DIP2C: variants seen among roughly 807,000 people sequenced by gnomAD.
The protein encoded by DIP2C is disco-interacting protein 2 homolog C.
In DIP2C, 33 loss-of-function variants were observed where a neutral mutation model predicts 192.4. That is an observed-to-expected ratio of 0.17 (90% CI 0.13 to 0.23). The LOEUF is 0.23. DIP2C is among the 10% of genes least tolerant of loss of function. DIP2C has a pLI of 1.00. For synonymous variants in DIP2C, 979 were observed against 864.1 expected (o/e 1.13, Z -2.33); for missense variants, 1,537 against 2,110.1 (o/e 0.73, Z 5.32).
At chr10:551,951 G>A (rs1418951923) in intron 1 of DIP2C, among the ~76,000 whole-genome samples, 2 of 152,206 alleles carry the variant, frequency 1.3e-5, no homozygotes, top group African/African-American at 2.4e-5. Flanking sequence ...CCTCTGAGAC[G>A]CTGCTATAGC....
chr10:352,089 G>A (rs1334293429), intron 24 of DIP2C, among the ~76,000 whole-genome samples: 2 of 152,246 alleles, frequency 1.3e-5, no homozygotes, highest in African/African-American at 4.8e-5. Flanking sequence ...CAGCAGCAGT[G>A]CCCAGTCTGG....
chr10:370,285 T>TGC (rs1478593600), intron 17 of DIP2C, among the ~76,000 whole-genome samples: 3 of 152,254 alleles, frequency 2.0e-5, no homozygotes, highest in Non-Finnish European at 2.9e-5. Flanking sequence ...AGAAGACCAC[T>TGC]GCGCACACGT....
intron 32 of DIP2C, among the ~76,000 whole-genome samples, chr10:295,267 G>C (rs1036677836): frequency 2.0e-5 from 3 of 152,088 alleles, no homozygotes; most frequent in African/African-American, 4.8e-5. Flanking sequence ...ATTCCAGTTA[G>C]ATGGCTATTA....
At chr10:440,706 T>TC (rs747231898) in intron 4 of DIP2C, among the ~76,000 whole-genome samples, 165 bp downstream of exon 4, 5 of 152,268 alleles carry the variant, frequency 3.3e-5, no homozygotes, top group Non-Finnish European at 5.9e-5. Context: ...ATGTTACTTT[T>TC]CCTTCCACGT....
chr10:292,663 T>A (rs1335421673), intron 32 of DIP2C, among the ~76,000 whole-genome samples: 1 of 152,210 alleles, frequency 6.6e-6, no homozygotes, highest in South Asian at 2.1e-4. Context: ...GAGGTCTTCA[T>A]TCTTCATTCG....
intron 1 of DIP2C, among the ~76,000 whole-genome samples, chr10:552,543 T>C (rs776972062): frequency 2.4e-4 from 37 of 152,368 alleles, no homozygotes; most frequent in Non-Finnish European, 2.9e-4. Context: ...TCCTCAAATG[T>C]AGCTTTCAAA....
At chr10:627,289 G>A (rs777765477) in intron 1 of DIP2C, among the ~76,000 whole-genome samples, 26 of 152,190 alleles carry the variant, frequency 1.7e-4, no homozygotes, top group Non-Finnish European at 3.4e-4. Flanking sequence ...GCTGTGGGTC[G>A]GGAAACCCTC....
chr10:488,484 G>A (rs1268236481), intron 1 of DIP2C, among the ~76,000 whole-genome samples: 1 of 152,178 alleles, frequency 6.6e-6, no homozygotes, highest in African/African-American at 2.4e-5. Context: ...ACAAAACTCT[G>A]TCCAGCTCCA....
intron 1 of DIP2C, among the ~76,000 whole-genome samples, chr10:582,866 G>C (rs1302055803): frequency 6.6e-6 from 1 of 152,184 alleles, no homozygotes; most frequent in Non-Finnish European, 1.5e-5. Context: ...ATATACCTAA[G>C]TTCCTATGAT....
intron 2 of DIP2C, among the ~76,000 whole-genome samples, chr10:473,950 G>C (rs1054685774): frequency 2.0e-5 from 3 of 152,162 alleles, no homozygotes; most frequent in African/African-American, 7.2e-5. Flanking sequence ...TCAGAACTAA[G>C]TTAAGCATGG....
chr10:333,193 G>A (rs1197319720), intron 29 of DIP2C, among the ~76,000 whole-genome samples: 16 of 152,140 alleles, frequency 1.1e-4, no homozygotes, highest in Non-Finnish European at 2.4e-4. Flanking sequence ...ATGAGCCACC[G>A]CACCCGGCCT....
chr10:536,630 A>G (rs1564828159), intron 1 of DIP2C, among the ~76,000 whole-genome samples: 1 of 152,216 alleles, frequency 6.6e-6, no homozygotes, highest in African/African-American at 2.4e-5. Context: ...CAGACAGTGA[A>G]TGTGATTCAG....
At chr10:411,046 G>A (rs1334531205) in intron 8 of DIP2C, among the ~76,000 whole-genome samples, 2 of 152,172 alleles carry the variant, frequency 1.3e-5, no homozygotes, top group South Asian at 2.1e-4. Context: ...GGGCTGAACC[G>A]GAGCAAGCCC....
intron 32 of DIP2C, among the ~76,000 whole-genome samples, chr10:292,248 C>A (rs781483646): frequency 6.6e-6 from 1 of 152,234 alleles, no homozygotes; most frequent in African/African-American, 2.4e-5. Context: ...ACTGCTGACA[C>A]CCTTCCCTAG....
intron 1 of DIP2C, among the ~76,000 whole-genome samples, chr10:604,758 A>G (rs545369147): frequency 6.6e-6 from 1 of 152,370 alleles, no homozygotes; most frequent in East Asian, 1.9e-4. Context: ...AAGAAAAAAG[A>G]CAAATGTTTA....
chr10:534,124 CT>C (rs896972437), intron 1 of DIP2C, among the ~76,000 whole-genome samples: 5 of 152,242 alleles, frequency 3.3e-5, no homozygotes, highest in Non-Finnish European at 5.9e-5. Context: ...AGGCCGCCCC[CT>C]GACCCCACTT....
chr10:482,379 C>T (rs552007611), intron 2 of DIP2C, among the ~76,000 whole-genome samples: 57 of 152,306 alleles, frequency 3.7e-4, no homozygotes, highest in African/African-American at 1.2e-3. Context: ...AGGCTGCTCA[C>T]GCGACCCCAT....
chr10:431,564 G>A (rs1050125267), intron 4 of DIP2C, among the ~76,000 whole-genome samples: 12 of 152,160 alleles, frequency 7.9e-5, no homozygotes, highest in Non-Finnish European at 1.6e-4. Flanking sequence ...TGGAATTATG[G>A]ACATGAGCCA....
At chr10:283,584 T>C in intron 34 of DIP2C, 138 bp from the exon 35 acceptor site, 1 of 1,117,044 alleles carries the variant, frequency 9.0e-7, no homozygotes, top group African/African-American at 1.6e-5. Flanking sequence ...CAAGATGATG[T>C]TAATCTCATT....
Sources: gnomAD v4.1 joint callset for allele counts (sites outside exome capture counted in the v4.1 genomes callset) on GRCh38, gnomAD v4.1.1 for gene constraint, MANE v1.5 for transcripts, NCBI Gene and HGNC (gene_info 2026-07-23, HGNC 2026-07-21) for gene names.